The following ACYP2 variants were observed in gnomAD, a reference collection of about 807,000 sequenced individuals.
The protein encoded by ACYP2 is acylphosphatase 2.
Under a neutral mutation model 11.2 loss-of-function variants are expected in ACYP2, and 12 were observed. That is an observed-to-expected ratio of 1.08 (90% CI 0.69 to 1.74). The LOEUF is 1.74. Among genes scored for constraint, ACYP2 ranks in the 40% most tolerant of loss-of-function variants. The pLI is 0.00. For missense variants in ACYP2, 134 were observed against 101.9 expected, an observed-to-expected ratio of 1.31 and a Z score of -1.35; for synonymous variants, 43 against 32.2, an observed-to-expected ratio of 1.33 and a Z score of -1.13.
rs189276005 is a variant in ACYP2, at chr2:54,211,825, G to A, written c.404+73077G>A. ...TATTTCATCTTTAATTGACCAGCAG[G>A]GTAAGACATAATCAGTGCTTGAAAG... On this transcript the variant is annotated intron_variant, in intron 6 of 6. Transcript: ENST00000607452. Among the ~76,000 whole-genome samples, 526 of 152,204 alleles carry A rather than the reference G, an allele frequency of 3.5e-3. 2 individuals carry two copies. The highest frequency in any genetic ancestry group is 4.4e-3 in the Non-Finnish European group (301 of 68,000).
At chr2:54,096,569 A>G (rs372125563) in intron 4 of ACYP2, among the ~76,000 whole-genome samples, 5 of 152,234 alleles carry the variant, frequency 3.3e-5, no homozygotes, top group East Asian at 1.9e-4. Flanking sequence ...ACCAGACTCC[A>G]TCTGCAATCC....
At chr2:54,264,473 T>G (rs571606267) in intron 6 of ACYP2, among the ~76,000 whole-genome samples, 3 of 152,248 alleles carry the variant, frequency 2.0e-5, no homozygotes, top group Admixed American at 1.3e-4. Context: ...TGGCTTCACC[T>G]CTCAGATCCT....
intron 3 of ACYP2, among the ~76,000 whole-genome samples, chr2:54,054,462 A>T (rs1304442161): frequency 2.0e-5 from 3 of 152,122 alleles, no homozygotes; most frequent in African/African-American, 7.2e-5. Context: ...TGACAGATTG[A>T]TCTTGTTTTG....
chr2:54,243,182 G>A (rs538714565), intron 6 of ACYP2, among the ~76,000 whole-genome samples: 7 of 152,104 alleles, frequency 4.6e-5, no homozygotes, highest in South Asian at 4.1e-4. Context: ...ACAATAACGC[G>A]TTTAACACTG....
At chr2:54,301,431 C>G (rs2104170235) in intron 6 of ACYP2, among the ~76,000 whole-genome samples, 1 of 152,266 alleles carries the variant, frequency 6.6e-6, no homozygotes. Flanking sequence ...CTATCATATT[C>G]TGCCTTAACA....
At position 54,109,064 on chromosome 2, in the gene ACYP2, C is replaced by T. The variant is rs530230294; in HGVS notation, c.278-26389C>T. ...TTGAAAGTTAACTGTTTGGTCCTAT[C>T]TATGCCTGAGCATGACTTCAGGGTT... On this transcript the variant is annotated intron_variant, in intron 4 of 6. Transcript: ENST00000607452. Among the ~76,000 whole-genome samples, 15 of 152,304 alleles carry T rather than the reference C, an allele frequency of 9.8e-5. No homozygotes were observed. The East Asian group carries it at 2.7e-3, about 27-fold the overall frequency.
At chr2:54,098,446 A>G (rs1444547592) in intron 4 of ACYP2, among the ~76,000 whole-genome samples, 1 of 152,094 alleles carries the variant, frequency 6.6e-6, no homozygotes. Context: ...TCATTAGAGA[A>G]ACGAGGGCAG....
Position 54,195,878 on chromosome 2 carries a change from A to G in ACYP2, c.404+57130A>G, listed in dbSNP as rs570265430. On this transcript the variant is annotated intron_variant, in intron 6 of 6. Coordinates refer to ENST00000607452, the MANE Select transcript of ACYP2 (RefSeq NM_001320586.2). ...AATGGCGCGATCTTGGCTCACTGCA[A>G]TTTCTGCCTCCTGGGTTCCAGCAGT... Among the ~76,000 whole-genome samples the G allele has an allele frequency of 1.9e-4, 26 of 137,662 alleles. 1 individual carries two copies. In the Admixed American group the frequency reaches 1.9e-3, roughly 10 times the overall value. The allele number at this position is 137,662 out of a possible 152,430, so 90.3% of individuals were successfully genotyped here. A position where few individuals can be genotyped will look rare whatever the true frequency, so the allele number is the denominator to read the frequency against.
intron 6 of ACYP2, chr2:54,254,785 C>G (rs139167284): frequency 4.8e-5 from 40 of 840,722 alleles, no homozygotes; most frequent in Non-Finnish European, 6.5e-5. Context: ...GTTGAGAGAA[C>G]GGAAAGTTTA....
rs559730510 is a variant in ACYP2 at position 54,106,390 on chromosome 2, G to C, written c.278-29063G>C. On this transcript the variant is annotated intron_variant, in intron 4 of 6. Coordinates refer to ENST00000607452, the MANE Select transcript of ACYP2 (RefSeq NM_001320586.2). Reference sequence around the variant, plus strand: ...AATATCAGATTTTATGAGTAAGGATGAAAAGTAAATAATTCTAGGTGAAAT... The same window carrying C: ...AATATCAGATTTTATGAGTAAGGATCAAAAGTAAATAATTCTAGGTGAAAT... 3.3e-5 allele frequency among the ~76,000 whole-genome samples: 5 copies of C among 152,142 alleles called. No homozygotes were observed. In the East Asian group the frequency reaches 9.6e-4, roughly 29 times the overall value.
chr2:54,058,687 T>C (rs373117406), intron 4 of ACYP2, among the ~76,000 whole-genome samples: 1 of 150,154 alleles, frequency 6.7e-6, no homozygotes, highest in African/African-American at 2.4e-5. Flanking sequence ...AGATAAAACA[T>C]GAGAGGGGCT....
chr2:54,025,598 A>G (rs1308576835), intron 2 of ACYP2, among the ~76,000 whole-genome samples: 1 of 152,234 alleles, frequency 6.6e-6, no homozygotes, highest in Non-Finnish European at 1.5e-5. Flanking sequence ...AAAGACTTGA[A>G]TATACAACCT....
intron 2 of ACYP2, among the ~76,000 whole-genome samples, chr2:53,990,652 CAAAAAAAAAA>C (rs80058534): frequency 1.6e-4 from 8 of 49,586 alleles, no homozygotes; most frequent in Admixed American, 1.1e-3. Context: ...TCCGTCTTAC[CAAAAAAAAAA>C]AAAAAGAAAA....
At chr2:54,103,631 G>T (rs928266834) in intron 4 of ACYP2, among the ~76,000 whole-genome samples, 1 of 152,134 alleles carries the variant, frequency 6.6e-6, no homozygotes, top group Non-Finnish European at 1.5e-5. Flanking sequence ...CTGTGGCCCA[G>T]TTTTCTCATC....
intron 6 of ACYP2, among the ~76,000 whole-genome samples, chr2:54,209,813 G>A (rs1685252946): frequency 6.6e-6 from 1 of 151,842 alleles, no homozygotes; most frequent in Non-Finnish European, 1.5e-5. Context: ...CAGAAGCAAG[G>A]ATGGAAAAAA....
At chr2:54,123,337 G>A (rs78571529) in intron 4 of ACYP2, 5,382 of 398,572 alleles carry the variant, frequency 0.014, 191 homozygotes, top group African/African-American at 0.086. Context: ...TTGGTATGGA[G>A]TGATAGGAAA....
intron 6 of ACYP2, among the ~76,000 whole-genome samples, chr2:54,235,642 G>A (rs1253927989): frequency 2.0e-5 from 3 of 152,102 alleles, no homozygotes; most frequent in Admixed American, 6.5e-5. Context: ...GAGCCACCGC[G>A]CCTGGCCAAC....
At chr2:54,021,199 G>C (rs761455310) in intron 2 of ACYP2, among the ~76,000 whole-genome samples, 3 of 152,174 alleles carry the variant, frequency 2.0e-5, no homozygotes, top group Admixed American at 6.5e-5. Flanking sequence ...CACGAAGGGT[G>C]GTTACAGAAC....
intron 4 of ACYP2, among the ~76,000 whole-genome samples, chr2:54,101,851 G>A (rs540309503): frequency 1.2e-4 from 18 of 152,142 alleles, no homozygotes; most frequent in African/African-American, 2.9e-4. Flanking sequence ...ATCCCCCTCC[G>A]ACATATTTTC....
Sources: allele counts gnomAD v4.1 joint callset (sites outside exome capture counted in the v4.1 genomes callset), GRCh38; gene constraint gnomAD v4.1.1; transcripts MANE v1.5; gene names NCBI Gene and HGNC (gene_info 2026-07-23, HGNC 2026-07-21).